The following PTPRD variants were observed in gnomAD, a reference collection of about 807,000 sequenced individuals.
PTPRD encodes the protein protein tyrosine phosphatase receptor type D.
PTPRD carries 34 observed loss-of-function variants against 214.5 expected under a neutral mutation model. The ratio of observed to expected loss-of-function variants is 0.16; its 90% CI spans 0.12 to 0.21. The LOEUF (loss-of-function observed/expected upper bound fraction) is 0.21, where lower values mean the gene tolerates loss of function less well. PTPRD is among the 10% of genes least tolerant of loss of function. The pLI is 1.00. For missense variants in PTPRD, 2,545 were observed against 2,398.7 expected (o/e 1.06, Z -1.27); for synonymous variants, 1,128 against 845.7 (o/e 1.33, Z -5.79).
chr9:8,430,032 A>AT (rs1161138345), intron 35 of PTPRD, among the ~76,000 whole-genome samples: 1 of 152,182 alleles, frequency 6.6e-6, no homozygotes, highest in African/African-American at 2.4e-5. Flanking sequence ...AAGTGAGCTG[A>AT]CAGGAACTCA....
chr9:9,871,484 T>C (rs531169464), intron 5 of PTPRD, among the ~76,000 whole-genome samples: 61 of 152,290 alleles, frequency 4.0e-4, no homozygotes, highest in Middle Eastern at 3.4e-3. Context: ...CCAAGAGAGA[T>C]TGGATTCAGG....
chr9:10,412,236 C>G (rs771281038), intron 2 of PTPRD, among the ~76,000 whole-genome samples: 4 of 151,658 alleles, frequency 2.6e-5, no homozygotes, highest in Non-Finnish European at 4.4e-5. Flanking sequence ...AGGAATGTTA[C>G]CACTGACCCC....
At chr9:10,139,802 T>C (rs1281317103) in intron 3 of PTPRD, among the ~76,000 whole-genome samples, 2 of 152,000 alleles carry the variant, frequency 1.3e-5, no homozygotes, top group Non-Finnish European at 2.9e-5. Context: ...AGATTCCCTA[T>C]TCAATAAATA....
At chr9:8,856,501 ACT>A (rs1406517989) in intron 11 of PTPRD, among the ~76,000 whole-genome samples, 4 of 152,172 alleles carry the variant, frequency 2.6e-5, no homozygotes, top group African/African-American at 4.8e-5. Flanking sequence ...TGTGAGCTAC[ACT>A]CTGTTAAGTC....
At chr9:10,599,768 T>C (rs1431300274) in intron 2 of PTPRD, among the ~76,000 whole-genome samples, 1 of 151,738 alleles carries the variant, frequency 6.6e-6, no homozygotes, top group African/African-American at 2.4e-5. Flanking sequence ...AAATAGCCTA[T>C]TTTTCTCCTT....
intron 35 of PTPRD, among the ~76,000 whole-genome samples, chr9:8,431,644 T>C (rs1220349532): frequency 2.0e-5 from 3 of 152,182 alleles, no homozygotes; most frequent in Non-Finnish European, 4.4e-5. Flanking sequence ...CTGTAATACA[T>C]TACCCTAAAC....
chr9:9,649,825 ATATTTTGAATTT>A (rs1813082493), intron 7 of PTPRD, among the ~76,000 whole-genome samples: 1 of 152,226 alleles, frequency 6.6e-6, no homozygotes. Context: ...ATTTAATAAA[ATATTTTGAATTT>A]TATTTTATAA....
intron 11 of PTPRD, among the ~76,000 whole-genome samples, chr9:8,943,033 T>C (rs7857361): frequency 0.14 from 21,618 of 152,036 alleles, 1,914 homozygotes; most frequent in Non-Finnish European, 0.2. Context: ...GAAAGTAACC[T>C]TATTTACAAC....
chr9:8,365,707 T>C (rs2079662214), intron 39 of PTPRD, among the ~76,000 whole-genome samples: 7 of 148,738 alleles, frequency 4.7e-5, no homozygotes, highest in Admixed American at 4.6e-4. Context: ...GAATGGCCCC[T>C]GACTTGTTTT....
At chr9:10,610,981 G>C (rs1231318152) in intron 2 of PTPRD, among the ~76,000 whole-genome samples, 1 of 151,906 alleles carries the variant, frequency 6.6e-6, no homozygotes, top group Non-Finnish European at 1.5e-5. Context: ...TAAATAAGGA[G>C]GTAAAAATAT....
At chr9:9,191,396 AC>A (rs1286626027) in intron 9 of PTPRD, among the ~76,000 whole-genome samples, 1 of 151,976 alleles carries the variant, frequency 6.6e-6, no homozygotes, top group Non-Finnish European at 1.5e-5. Flanking sequence ...CCTGGCTGAT[AC>A]CCTGATTGCA....
At chr9:8,581,185 G>A (rs184011736) in intron 14 of PTPRD, among the ~76,000 whole-genome samples, 6 of 151,368 alleles carry the variant, frequency 4.0e-5, no homozygotes, top group Admixed American at 3.3e-4. Flanking sequence ...GATGCCTTAG[G>A]AATATATTAT....
intron 11 of PTPRD, among the ~76,000 whole-genome samples, chr9:8,748,051 C>T (rs1301302803): frequency 5.3e-5 from 8 of 152,124 alleles, no homozygotes; most frequent in African/African-American, 7.2e-5. Context: ...GCCCATGCTC[C>T]GATGTTAACG....
chr9:8,696,487 C>T (rs934631842), intron 12 of PTPRD, among the ~76,000 whole-genome samples: 8 of 151,992 alleles, frequency 5.3e-5, no homozygotes, highest in Admixed American at 2.0e-4. Flanking sequence ...CCAGATGGGA[C>T]GTGTTATGAA....
At chr9:9,702,144 A>G (rs1564633410) in intron 7 of PTPRD, among the ~76,000 whole-genome samples, 1 of 152,016 alleles carries the variant, frequency 6.6e-6, no homozygotes, top group Non-Finnish European at 1.5e-5. Context: ...GAGAGAGAGA[A>G]AGAAAGAGAG....
intron 2 of PTPRD, among the ~76,000 whole-genome samples, chr9:10,367,008 A>T (rs1343137015): frequency 6.6e-6 from 1 of 151,870 alleles, no homozygotes; most frequent in African/African-American, 2.4e-5. Context: ...TAATTCACCT[A>T]GACTTATAAC....
intron 12 of PTPRD, among the ~76,000 whole-genome samples, chr9:8,684,299 T>C (rs931193491): frequency 6.6e-6 from 1 of 152,208 alleles, no homozygotes. Context: ...TTGTATATCA[T>C]CACTTCTCCT....
chr9:8,339,118 T>C (rs922765781), intron 42 of PTPRD, 71 bp from the exon 43 acceptor site: 1 of 1,361,360 alleles, frequency 7.3e-7, no homozygotes, highest in African/African-American at 1.5e-5. Context: ...TCTATCTATC[T>C]ATCTAATCTA....
intron 10 of PTPRD, among the ~76,000 whole-genome samples, chr9:9,103,799 G>A (rs1591669141): frequency 6.6e-6 from 1 of 152,126 alleles, no homozygotes; most frequent in East Asian, 1.9e-4. Flanking sequence ...TGGGCAACAC[G>A]ATGAAACCCT....
Sources: allele counts gnomAD v4.1 joint callset (sites outside exome capture counted in the v4.1 genomes callset), GRCh38; gene constraint gnomAD v4.1.1; transcripts MANE v1.5; gene names NCBI Gene and HGNC (gene_info 2026-07-23, HGNC 2026-07-21).